The following RIC3 variants were observed in gnomAD, a reference collection of about 807,000 sequenced individuals.
The protein encoded by RIC3 is protein RIC-3.
RIC3 carries 28 observed loss-of-function variants against 27.3 expected under a neutral mutation model. The observed-to-expected ratio is 1.02, with a 90% CI of 0.76 to 1.41. The LOEUF (loss-of-function observed/expected upper bound fraction) is 1.41. RIC3 is among the 40% of genes most tolerant of loss of function. The pLI, the probability that RIC3 is intolerant of heterozygous loss-of-function variation, is 0.00. For synonymous variants in RIC3, 184 were observed against 160.4 expected, an observed-to-expected ratio of 1.15 and a Z score of -1.11; for missense variants, 501 against 444.7, an observed-to-expected ratio of 1.13 and a Z score of -1.14.
chr11:8,133,744 A>C (rs1205448385), intron 4 of RIC3, among the ~76,000 whole-genome samples: 1 of 152,184 alleles, frequency 6.6e-6, no homozygotes, highest in Non-Finnish European at 1.5e-5. Context: ...AGGAGACATA[A>C]ATCTGGGATG....
chr11:8,149,299 AC>A (rs1351769362), intron 1 of RIC3, among the ~76,000 whole-genome samples: 2 of 152,126 alleles, frequency 1.3e-5, no homozygotes, highest in Non-Finnish European at 2.9e-5. Flanking sequence ...GCAAAAGCAC[AC>A]CAGGAGGAAA....
At chr11:8,124,108 AAAGCAAGCAAGC>A (rs201131362) in intron 5 of RIC3, among the ~76,000 whole-genome samples, 26 of 150,736 alleles carry the variant, frequency 1.7e-4, no homozygotes, top group Admixed American at 2.6e-4. Flanking sequence ...AGAAAAAGAG[AAAGCAAGCAAGC>A]AAGCAAGCAA....
At chr11:8,140,292 C>T (rs1439770258) in intron 1 of RIC3, 99 bp from the exon 2 acceptor site, 3 of 1,094,554 alleles carry the variant, frequency 2.7e-6, no homozygotes, top group African/African-American at 1.6e-5. Flanking sequence ...CCAACACAAA[C>T]AAGTAGAAGA....
At chr11:8,143,707 G>T (rs1167593711) in intron 1 of RIC3, among the ~76,000 whole-genome samples, 1 of 152,100 alleles carries the variant, frequency 6.6e-6, no homozygotes, top group African/African-American at 2.4e-5. Flanking sequence ...CCAAAAAAGA[G>T]CCCGCATCGC....
the RIC3 span, among the ~76,000 whole-genome samples, chr11:8,097,072 T>C: frequency 6.6e-6 from 1 of 152,086 alleles, no homozygotes; most frequent in Non-Finnish European, 1.5e-5. Flanking sequence ...GCTGGGAAGA[T>C]AGCTTCTGAC....
the RIC3 span, among the ~76,000 whole-genome samples, chr11:8,095,826 GGGCCCCTGCTAA>G: frequency 5.3e-5 from 8 of 152,248 alleles, no homozygotes; most frequent in Non-Finnish European, 1.0e-4. Flanking sequence ...CTCTTAGGCA[GGGCCCCTGCTAA>G]GGCCCCAGGG....
intron 1 of RIC3, among the ~76,000 whole-genome samples, chr11:8,165,324 T>C (rs540170511): frequency 7.4e-6 from 1 of 134,738 alleles, no homozygotes; most frequent in Non-Finnish European, 1.6e-5. Flanking sequence ...TGAAATGTGG[T>C]ATATCCACAC....
chr11:8,113,414 C>A (rs1427990069), intron 5 of RIC3, among the ~76,000 whole-genome samples: 1 of 152,184 alleles, frequency 6.6e-6, no homozygotes, highest in African/African-American at 2.4e-5. Context: ...TCCATGCTGG[C>A]CCCTGCAGAT....
intron 1 of RIC3, among the ~76,000 whole-genome samples, chr11:8,156,324 A>G (rs16936374): frequency 0.088 from 13,463 of 152,262 alleles, 713 homozygotes; most frequent in African/African-American, 0.14. Context: ...TTACTGGTTA[A>G]GATTATGGCT....
Position 8,138,344 on chromosome 11 carries a change from A to G in RIC3, c.355T>C (p.Ser119Pro). ...TCCTCTGCAGTTGTTTTCCCCTTTGAGAGCTGAGAATTGAAGGAGGTATAG... is the reference window on the plus strand; with the variant it reads ...TCCTCTGCAGTTGTTTTCCCCTTTGGGAGCTGAGAATTGAAGGAGGTATAG... ...LYILYILFKL[S>P]KGKTTAEDGK... The change falls in exon 3 of 6, where the codon TCA becomes CCA. Residue 119 changes from serine (S) to proline (P), a missense_variant. By Grantham distance (74) the Ser-to-Pro change is moderately conservative. Transcript: ENST00000309737. The G allele has an allele frequency of 6.2e-7, 1 of 1,610,780 alleles. No individual in the cohort carries two copies.
chr11:8,121,247 G>T (rs1413149598), intron 5 of RIC3, among the ~76,000 whole-genome samples: 1 of 152,052 alleles, frequency 6.6e-6, no homozygotes, highest in Non-Finnish European at 1.5e-5. Flanking sequence ...AGGTAGAGGG[G>T]GAACAACGAA....
rs1284016456 is a variant in RIC3, at chr11:8,106,668, A to G, written c.*4030T>C. The G allele has an allele frequency of 1.8e-5, 2 of 112,312 alleles. No homozygotes were observed. Among genetic ancestry groups the G allele is most frequent in the Non-Finnish European group, 3.6e-5 (2 of 55,748 alleles). 7.0% of individuals were successfully genotyped at this position (112,312 alleles called of 1,614,324 possible). On this transcript the variant is annotated 3_prime_UTR_variant, in exon 6 of 6. Coordinates refer to ENST00000309737, the MANE Select transcript of RIC3 (RefSeq NM_001206671.4). ...TTGGACCCTAACCCATTTAAACAGG[A>G]CCTCGAGATGCTTAGGAATCTTTTT...
intron 5 of RIC3, among the ~76,000 whole-genome samples, chr11:8,112,826 T>C (rs1945427151): frequency 2.0e-5 from 3 of 152,212 alleles, no homozygotes; most frequent in Admixed American, 6.5e-5. Flanking sequence ...CTATTATAAG[T>C]AGTATACAAG....
intron 1 of RIC3, among the ~76,000 whole-genome samples, chr11:8,151,457 G>C (rs1484182831): frequency 6.7e-6 from 1 of 150,030 alleles, no homozygotes; most frequent in Admixed American, 6.6e-5. Flanking sequence ...ATGGTGGCGC[G>C]TGCCTGTAGT....
intron 1 of RIC3, among the ~76,000 whole-genome samples, chr11:8,140,807 G>A (rs535879952): frequency 6.6e-6 from 1 of 152,230 alleles, no homozygotes; most frequent in African/African-American, 2.4e-5. Flanking sequence ...ATACAGATAA[G>A]AAAATACAGA....
At chr11:8,126,233 G>T (rs533508801) in intron 5 of RIC3, among the ~76,000 whole-genome samples, 2 of 152,142 alleles carry the variant, frequency 1.3e-5, no homozygotes, top group South Asian at 4.2e-4. Flanking sequence ...AACAAATTAT[G>T]GTATAAGTAT....
chr11:8,097,496 C>G, the RIC3 span: 3 of 1,596,552 alleles, frequency 1.9e-6, no homozygotes, highest in Non-Finnish European at 2.6e-6. Context: ...TGAAATGTGA[C>G]TGGAAGTCTC....
At chr11:8,147,240 TC>T (rs1949778822) in intron 1 of RIC3, among the ~76,000 whole-genome samples, 1 of 152,150 alleles carries the variant, frequency 6.6e-6, no homozygotes, top group Admixed American at 6.5e-5. Context: ...GTCTCATGTC[TC>T]CCTAAAATGT....
chr11:8,160,786 C>T (rs1322705414), intron 1 of RIC3, among the ~76,000 whole-genome samples: 2 of 152,202 alleles, frequency 1.3e-5, no homozygotes, highest in African/African-American at 4.8e-5. Flanking sequence ...TCTGAGAGGG[C>T]TGTGTTCAAA....
Sources: gnomAD v4.1 joint callset for allele counts (sites outside exome capture counted in the v4.1 genomes callset) on GRCh38, gnomAD v4.1.1 for gene constraint, MANE v1.5 for transcripts, NCBI Gene and HGNC (gene_info 2026-07-23, HGNC 2026-07-21) for gene names.